STXBP6: variants seen among roughly 807,000 people sequenced by gnomAD.
The protein encoded by STXBP6 is syntaxin binding protein 6.
A neutral mutation model predicts 26.9 loss-of-function variants in STXBP6; 21 were observed. That is an observed-to-expected ratio of 0.78 (90% CI 0.55 to 1.12). The LOEUF is 1.12. STXBP6 is among the 50% of genes most tolerant of loss of function. The probability of loss-of-function intolerance (pLI) is 0.00; values close to 1 mark genes in which losing one functional copy is unlikely to be tolerated. For synonymous variants in STXBP6, 97 were observed against 92.6 expected (o/e 1.05, Z -0.27); for missense variants, 232 against 257.9 (o/e 0.90, Z 0.69).
intron 1 of STXBP6, among the ~76,000 whole-genome samples, chr14:25,006,271 A>G (rs2074896672): frequency 6.6e-6 from 1 of 152,182 alleles, no homozygotes; most frequent in African/African-American, 2.4e-5. Flanking sequence ...GGAGGCTGGG[A>G]AATGCATTCT....
At chr14:25,042,020 A>G (rs919495867) in intron 1 of STXBP6, among the ~76,000 whole-genome samples, 1 of 152,190 alleles carries the variant, frequency 6.6e-6, no homozygotes, top group African/African-American at 2.4e-5. Context: ...AGTTTGATTT[A>G]TTGCACTTGT....
At chr14:24,901,351 C>T (rs1436032068) in intron 2 of STXBP6, among the ~76,000 whole-genome samples, 1 of 151,856 alleles carries the variant, frequency 6.6e-6, no homozygotes, top group African/African-American at 2.4e-5. Context: ...ATGGCTCCCC[C>T]CCAAAAAAAG....
intron 1 of STXBP6, among the ~76,000 whole-genome samples, chr14:25,044,009 A>G (rs1179156810): frequency 7.5e-6 from 1 of 133,086 alleles, no homozygotes; most frequent in Admixed American, 7.3e-5. Flanking sequence ...ATCTCTACCA[A>G]AAATAAAAAA....
intron 1 of STXBP6, 106 bp from the exon 2 acceptor site, chr14:24,974,956 C>T: frequency 3.0e-6 from 2 of 660,814 alleles, no homozygotes; most frequent in Non-Finnish European, 4.7e-6. Context: ...TTTCAATTTA[C>T]AGTTTAATCT....
intron 2 of STXBP6, among the ~76,000 whole-genome samples, chr14:24,959,793 C>A (rs1420716688): frequency 6.6e-6 from 1 of 152,180 alleles, no homozygotes; most frequent in Non-Finnish European, 1.5e-5. Flanking sequence ...CTGTATCAGC[C>A]AAGAATGAGA....
chr14:24,983,667 A>C (rs1185505011), intron 1 of STXBP6, among the ~76,000 whole-genome samples: 1 of 152,224 alleles, frequency 6.6e-6, no homozygotes, highest in Non-Finnish European at 1.5e-5. Context: ...ACCATTAAAA[A>C]TAAAGAAACA....
Position 25,049,786 on chromosome 14 carries a change from G to A in STXBP6, c.-33+92C>T, listed in dbSNP as rs559563045. 7 of 985,614 alleles carry A rather than the reference G, an allele frequency of 7.1e-6. No individual in the cohort carries two copies. In the African/African-American group the frequency reaches 1.0e-4, roughly 15 times the overall value. 61.1% of individuals were successfully genotyped at this position (985,614 alleles called of 1,614,324 possible). A position where few individuals can be genotyped will look rare whatever the true frequency, so the allele number is the denominator to read the frequency against. On this transcript the variant is annotated intron_variant, in intron 1 of 5. Transcript: ENST00000323944. This position sits in a 1 kb window ranked among gnomAD's most constrained non-coding sequence, Gnocchi z 5.6. ...CACAGCCACCCGCCTCGGACGGAGCGCCAGGCGCCCCAACAGCCGTGGCGG... is the reference window on the plus strand; with the variant it reads ...CACAGCCACCCGCCTCGGACGGAGCACCAGGCGCCCCAACAGCCGTGGCGG...
chr14:24,867,351 C>T (rs1412735794), intron 2 of STXBP6, among the ~76,000 whole-genome samples: 1 of 152,054 alleles, frequency 6.6e-6, no homozygotes, highest in South Asian at 2.1e-4. Flanking sequence ...GAAAAAAAGT[C>T]GGTGGTTGAT....
intron 2 of STXBP6, among the ~76,000 whole-genome samples, chr14:24,905,788 C>T (rs190734153): frequency 2.6e-5 from 4 of 152,296 alleles, no homozygotes; most frequent in Admixed American, 1.3e-4. Flanking sequence ...CAGGGATACA[C>T]AATGTAAGAC....
At chr14:24,864,589 G>A (rs1299002983) in intron 2 of STXBP6, among the ~76,000 whole-genome samples, 1 of 152,002 alleles carries the variant, frequency 6.6e-6, no homozygotes, top group African/African-American at 2.4e-5. Flanking sequence ...ATGTGCACAT[G>A]GATCTCCTTT....
chr14:24,830,120 T>C (rs1358225314), intron 4 of STXBP6, among the ~76,000 whole-genome samples: 1 of 151,912 alleles, frequency 6.6e-6, no homozygotes, highest in Admixed American at 6.6e-5. Flanking sequence ...GGTGTGGCCA[T>C]AGAAGGGGGA....
At chr14:24,870,570 T>G (rs921363099) in intron 2 of STXBP6, among the ~76,000 whole-genome samples, 5 of 152,190 alleles carry the variant, frequency 3.3e-5, no homozygotes, top group Admixed American at 3.3e-4. Flanking sequence ...TTTTCTAACT[T>G]TTTTACTCTC....
At chr14:24,985,837 C>A (rs886360090) in intron 1 of STXBP6, among the ~76,000 whole-genome samples, 1 of 152,176 alleles carries the variant, frequency 6.6e-6, no homozygotes, top group Non-Finnish European at 1.5e-5. Context: ...AGTTTAATGC[C>A]TGGAAGTGAT....
At chr14:24,978,681 G>A (rs8009162) in intron 1 of STXBP6, among the ~76,000 whole-genome samples, 62,896 of 152,048 alleles carry the variant, frequency 0.41, 15,225 homozygotes, top group African/African-American at 0.68. Context: ...CAAAGCAGCT[G>A]GTTCCCATAA....
chr14:24,932,172 G>A (rs1485895731), intron 2 of STXBP6, among the ~76,000 whole-genome samples: 3 of 152,164 alleles, frequency 2.0e-5, no homozygotes. Flanking sequence ...ACTTTGGGAG[G>A]CCAAGGCGGG....
chr14:24,927,218 G>C (rs113883346), intron 2 of STXBP6, among the ~76,000 whole-genome samples: 1 of 152,158 alleles, frequency 6.6e-6, no homozygotes, highest in South Asian at 2.1e-4. Flanking sequence ...TGTGAGAGAT[G>C]AGAGCTTCTC....
intron 2 of STXBP6, among the ~76,000 whole-genome samples, chr14:24,928,953 TAA>T (rs34305864): frequency 6.7e-6 from 1 of 149,772 alleles, no homozygotes; most frequent in African/African-American, 2.4e-5. Context: ...GGCACTAGAT[TAA>T]AAAAAAAATA....
chr14:24,844,340 C>T (rs2068876329), intron 4 of STXBP6, among the ~76,000 whole-genome samples: 1 of 152,186 alleles, frequency 6.6e-6, no homozygotes, highest in Non-Finnish European at 1.5e-5. Context: ...GTTCTGTGAG[C>T]TGGTATAGCA....
chr14:25,013,209 TTA>T (rs1409424725), intron 1 of STXBP6, among the ~76,000 whole-genome samples: 12 of 152,206 alleles, frequency 7.9e-5, no homozygotes, highest in Admixed American at 7.9e-4. Flanking sequence ...CCCAAATTGG[TTA>T]TCTCTGGATG....
Sources: gnomAD v4.1 joint callset for allele counts (sites outside exome capture counted in the v4.1 genomes callset) on GRCh38, gnomAD v4.1.1 for gene constraint, Gnocchi (gnomAD v3.1) non-coding constraint, MANE v1.5 for transcripts, NCBI Gene and HGNC (gene_info 2026-07-23, HGNC 2026-07-21) for gene names.